Variants in TBC1D5 observed in about 807,000 individuals in gnomAD.
The protein encoded by TBC1D5 is TBC1 domain family, member 5.
Under a neutral mutation model 100.3 loss-of-function variants are expected in TBC1D5, and 75 were observed. The ratio of observed to expected loss-of-function variants is 0.75; its 90% CI spans 0.62 to 0.91. TBC1D5 has a LOEUF of 0.91. Among genes scored for constraint, TBC1D5 ranks in the 40% least tolerant of loss-of-function variants. The probability of loss-of-function intolerance (pLI) is 0.00; values close to 1 mark genes in which losing one functional copy is unlikely to be tolerated. For synonymous variants in TBC1D5, 323 were observed against 325.6 expected, an observed-to-expected ratio of 0.99 and a Z score of 0.09; for missense variants, 910 against 942.4, an observed-to-expected ratio of 0.97 and a Z score of 0.45.
chr3:17,320,523 CTT>C (rs1173755089), intron 13 of TBC1D5, among the ~76,000 whole-genome samples: 1 of 152,212 alleles, frequency 6.6e-6, no homozygotes, highest in Non-Finnish European at 1.5e-5. Flanking sequence ...ACTTTTCTCT[CTT>C]TGGCTACAGG....
chr3:17,401,608 T>TCAATCTGG (rs2093653565), intron 8 of TBC1D5, among the ~76,000 whole-genome samples: 1 of 152,066 alleles, frequency 6.6e-6, no homozygotes, highest in Non-Finnish European at 1.5e-5. Flanking sequence ...TTTCTTTAAG[T>TCAATCTGG]CAATCTGGCC....
At chr3:17,237,236 G>T (rs907739244) in intron 17 of TBC1D5, among the ~76,000 whole-genome samples, 2 of 152,086 alleles carry the variant, frequency 1.3e-5, no homozygotes, top group African/African-American at 4.8e-5. Context: ...TGCTTGTGAG[G>T]TCTTAGGATT....
intron 2 of TBC1D5, among the ~76,000 whole-genome samples, chr3:17,606,807 T>C (rs897581906): frequency 6.6e-6 from 1 of 151,770 alleles, no homozygotes; most frequent in African/African-American, 2.4e-5. Flanking sequence ...CAACAACAAA[T>C]AACCAAAAGC....
At chr3:17,204,234 G>T (rs919840567) in intron 18 of TBC1D5, among the ~76,000 whole-genome samples, 1 of 152,188 alleles carries the variant, frequency 6.6e-6, no homozygotes, top group Non-Finnish European at 1.5e-5. Context: ...TGCAGACTCC[G>T]CAATCTGGTC....
At chr3:17,699,553 T>G (rs13070688) in intron 1 of TBC1D5, among the ~76,000 whole-genome samples, 1 of 141,448 alleles carries the variant, frequency 7.1e-6, no homozygotes, top group Non-Finnish European at 1.5e-5. Flanking sequence ...TAATAATAAA[T>G]AGATTTTTAA....
intron 13 of TBC1D5, among the ~76,000 whole-genome samples, chr3:17,345,939 G>A (rs1312181591): frequency 1.3e-5 from 2 of 151,726 alleles, no homozygotes; most frequent in East Asian, 1.9e-4. Flanking sequence ...AGAGGGGGGA[G>A]GGATAGCATT....
intron 18 of TBC1D5, among the ~76,000 whole-genome samples, chr3:17,193,424 ATC>A (rs1277053523): frequency 6.6e-6 from 1 of 152,212 alleles, no homozygotes. Context: ...AGAGTTTCAA[ATC>A]TCTTTTTGAA....
At chr3:17,436,567 T>TA (rs2094539512) in intron 3 of TBC1D5, among the ~76,000 whole-genome samples, 2 of 152,298 alleles carry the variant, frequency 1.3e-5, no homozygotes, top group South Asian at 4.1e-4. Flanking sequence ...GGATGGTGTA[T>TA]AAGTCTTGTG....
chr3:17,499,597 G>A (rs1214293034), intron 3 of TBC1D5, among the ~76,000 whole-genome samples: 1 of 147,910 alleles, frequency 6.8e-6, no homozygotes, highest in African/African-American at 2.6e-5. Context: ...TGAAAGGCTG[G>A]GGTGGGAGGA....
intron 1 of TBC1D5, among the ~76,000 whole-genome samples, chr3:17,713,052 G>A (rs1415304190): frequency 2.0e-5 from 3 of 152,018 alleles, no homozygotes; most frequent in Non-Finnish European, 2.9e-5. Context: ...CTCTTTACTT[G>A]ATTTATCTGA....
intron 1 of TBC1D5, among the ~76,000 whole-genome samples, chr3:17,637,374 T>G (rs975679049): frequency 6.6e-6 from 1 of 151,222 alleles, no homozygotes; most frequent in African/African-American, 2.4e-5. Flanking sequence ...AATAATATTT[T>G]TATAACCTTG....
At chr3:17,455,470 GTATATATATGTA>G (rs1192510379) in intron 3 of TBC1D5, among the ~76,000 whole-genome samples, 1 of 143,726 alleles carries the variant, frequency 7.0e-6, no homozygotes, top group Non-Finnish European at 1.5e-5. Context: ...ATATATATGT[GTATATATATGTA>G]TATATATGTG....
At chr3:17,331,662 G>C (rs2086879319) in intron 13 of TBC1D5, among the ~76,000 whole-genome samples, 1 of 152,200 alleles carries the variant, frequency 6.6e-6, no homozygotes, top group South Asian at 2.1e-4. Flanking sequence ...TATTGTAGTG[G>C]AGGAGCCAGA....
intron 3 of TBC1D5, among the ~76,000 whole-genome samples, chr3:17,452,221 C>T (rs1466419825): frequency 2.0e-5 from 3 of 151,678 alleles, no homozygotes; most frequent in Admixed American, 1.3e-4. Flanking sequence ...AAATCAACTT[C>T]GCTAGAAGGA....
At chr3:17,581,251 A>C (rs2153534516) in intron 2 of TBC1D5, among the ~76,000 whole-genome samples, 1 of 152,304 alleles carries the variant, frequency 6.6e-6, no homozygotes, top group South Asian at 2.1e-4. Context: ...TGAGTCCATT[A>C]AACCACTTTT....
chr3:17,638,488 T>A (rs1161536358), intron 1 of TBC1D5, among the ~76,000 whole-genome samples: 2 of 152,100 alleles, frequency 1.3e-5, no homozygotes, highest in African/African-American at 2.4e-5. Flanking sequence ...AAGCTAAAAT[T>A]CTTATTTTCT....
chr3:17,620,358 G>GT (rs1488218374), intron 2 of TBC1D5, among the ~76,000 whole-genome samples: 2 of 152,230 alleles, frequency 1.3e-5, no homozygotes, highest in East Asian at 3.8e-4. Context: ...ACGAAAGTAA[G>GT]TATCATTGCA....
At chr3:17,568,233 T>C (rs900356131) in intron 2 of TBC1D5, among the ~76,000 whole-genome samples, 7 of 151,512 alleles carry the variant, frequency 4.6e-5, no homozygotes, top group African/African-American at 1.2e-4. Flanking sequence ...TACCAATTTA[T>C]ATTTAGTAAA....
intron 18 of TBC1D5, among the ~76,000 whole-genome samples, chr3:17,189,444 A>G (rs1331124299): frequency 1.3e-5 from 2 of 152,120 alleles, no homozygotes; most frequent in African/African-American, 2.4e-5. Context: ...AACATCACCA[A>G]TTGTAATTGG....
Sources: gnomAD v4.1 joint callset for allele counts (sites outside exome capture counted in the v4.1 genomes callset) on GRCh38, gnomAD v4.1.1 for gene constraint, MANE v1.5 for transcripts, NCBI Gene and HGNC (gene_info 2026-07-23, HGNC 2026-07-21) for gene names.